The following TNXB variants were observed in gnomAD, a reference collection of about 807,000 sequenced individuals.
TNXB encodes tenascin XB.
In TNXB, 183 loss-of-function variants were observed where a neutral mutation model predicts 340.5. The observed-to-expected ratio is 0.54, with a 90% CI of 0.48 to 0.61. TNXB has a LOEUF of 0.61. Ranked by LOEUF, TNXB falls within the 20% of genes least tolerant of loss-of-function variation. The pLI, the probability that TNXB is intolerant of heterozygous loss-of-function variation, is 0.00. For synonymous variants in TNXB, 2,121 were observed against 2,314.5 expected (o/e 0.92, Z 2.40); for missense variants, 4,613 against 5,446.4 (o/e 0.85, Z 4.82).
chr6:32,101,590 T>A (rs1372074444), intron 1 of TNXB, among the ~76,000 whole-genome samples: 8 of 143,396 alleles, frequency 5.6e-5, no homozygotes, highest in African/African-American at 2.0e-4. Flanking sequence ...CACCCAGCCT[T>A]TTTTTTTTTT....
At chr6:32,056,326 C>G (rs1467474117) in intron 23 of TNXB, among the ~76,000 whole-genome samples, 152 bp from the exon 24 acceptor site, 2 of 152,170 alleles carry the variant, frequency 1.3e-5, no homozygotes, top group African/African-American at 4.8e-5. Context: ...GCTCAACTGA[C>G]AGCTAACACA....
intron 18 of TNXB, among the ~76,000 whole-genome samples, chr6:32,066,097 A>G (rs1778321974): frequency 6.6e-6 from 1 of 152,226 alleles, no homozygotes; most frequent in Non-Finnish European, 1.5e-5. Flanking sequence ...AATAAAAAGC[A>G]GTGTAGTGGC....
intron 1 of TNXB, among the ~76,000 whole-genome samples, chr6:32,104,121 C>T (rs1041882045): frequency 1.3e-5 from 2 of 152,146 alleles, no homozygotes; most frequent in East Asian, 1.9e-4. Flanking sequence ...GTGACCAGAA[C>T]GACCAAGTAA....
Position 32,072,137 on chromosome 6 carries a change from C to T in TNXB, c.4843G>A (p.Asp1615Asn). 2 of 1,613,486 alleles carry T rather than the reference C, an allele frequency of 1.2e-6. No individual in the cohort carries two copies. Among genetic ancestry groups the T allele is most frequent in the Non-Finnish European group, 1.7e-6 (2 of 1,179,662 alleles). ...DSFVVQYKDR[D>N]GQPQVVPVAA... ...ACGGGCACCACCTGGGGCTGCCCGTCCCTGTCCTTGTACTGAACCACAAAG... is the reference window on the plus strand; with the variant it reads ...ACGGGCACCACCTGGGGCTGCCCGTTCCTGTCCTTGTACTGAACCACAAAG... Residue 1615 changes from aspartate (D) to asparagine (N), a missense_variant, in exon 13 of 44, where the codon GAC becomes AAC. Asp to Asn is a conservative substitution (Grantham distance 23). Around this residue, in one of 7 missense-constraint regions of TNXB, gnomAD observed 4,327 missense variants for 4,859.4 expected, o/e 0.89. Coordinates refer to ENST00000644971, the MANE Select transcript of TNXB (RefSeq NM_001365276.2). The surrounding 1 kb of genome is among the most constrained non-coding windows in gnomAD (Gnocchi z 4.4).
At chr6:32,093,335 C>A (rs867377727) in intron 4 of TNXB, 8 of 690,088 alleles carry the variant, frequency 1.2e-5, no homozygotes, top group Non-Finnish European at 1.9e-5. Flanking sequence ...ATAACAACAA[C>A]AAAAAAAGAT....
rs1562794657 is a variant in TNXB at position 32,051,780 on chromosome 6, G to A, written c.9115+890C>T. Among the ~76,000 whole-genome samples, 1 of 152,008 alleles carries A rather than the reference G, an allele frequency of 6.6e-6. No homozygotes were observed. Among genetic ancestry groups the A allele is most frequent in the African/African-American group, 2.4e-5 (1 of 41,360 alleles). On this transcript the variant is annotated intron_variant, in intron 26 of 43. Transcript: ENST00000644971. The surrounding 1 kb of genome is among the most constrained non-coding windows in gnomAD (Gnocchi z 4.7). ...AAAAGGAAATTCTGACTGATGCTAC[G>A]ACATAGATGAACCTTAAAGACATTG... is the stretch of plus-strand genomic sequence containing the variant.
chr6:32,043,444 G>A lies in TNXB; in HGVS notation c.11643C>T (p.Ala3881=), dbSNP rs1171775625. 12 of 557,296 alleles carry A rather than the reference G, an allele frequency of 2.2e-5. No individual in the cohort carries two copies. Among genetic ancestry groups the A allele is most frequent in the Admixed American group, 2.0e-4 (7 of 35,288 alleles). 34.5% of individuals were successfully genotyped at this position (557,296 alleles called of 1,614,324 possible). A position where few individuals can be genotyped will look rare whatever the true frequency, so the allele number is the denominator to read the frequency against. The change falls in exon 36 of 44, where the codon GCC becomes GCT. Residue 3881 remains alanine (A), a synonymous_variant. Transcript: ENST00000644971. ...GGCCTCAGGCCTGCTCACCCCCAGG[G>A]GCTGTGACCTGGACGTCATAGGTGT... ...PVDTYDVQVT[A]PGAPPLQAET...
rs746110766 is a variant in TNXB, at chr6:32,079,247, C to T, written c.4161G>A (p.Ser1387=). ...ELTVTGSSPD[S]LSLFWTVPQG... ...GGGGGACGGTCCAGAAGAGGCTCAG[C>T]GAATCAGGGGAGGATCCTGTCACTG... is the stretch of plus-strand genomic sequence containing the variant. Residue 1387 remains serine (S), a synonymous_variant, in exon 11 of 44, where the codon TCG becomes TCA. Transcript: ENST00000644971. The surrounding 1 kb of genome is among the most constrained non-coding windows in gnomAD (Gnocchi z 7.1). The T allele has an allele frequency of 3.7e-6, 6 of 1,613,670 alleles. No individual in the cohort carries two copies. Among genetic ancestry groups the T allele is most frequent in the South Asian group, 1.1e-5 (1 of 91,088 alleles).
At position 32,043,792 on chromosome 6, in the gene TNXB, T is replaced by G; in HGVS notation, c.11487A>C (p.Arg3829=). The G allele has an allele frequency of 6.2e-7, 1 of 1,613,454 alleles. No homozygotes were observed. ...TGAGAGGCTCACTCTCCTCAAAGCC[T>G]CGGACCGAGACCACGGTCACCTCAT... ...ARYEVTVVSV[R]GFEESEPLTG... The change falls in exon 35 of 44, where the codon CGA becomes CGC. Residue 3829 remains arginine, a synonymous_variant. Transcript: ENST00000644971.
intron 22 of TNXB, among the ~76,000 whole-genome samples, chr6:32,057,111 A>C (rs1225466068): frequency 4.9e-3 from 379 of 77,918 alleles, no homozygotes; most frequent in African/African-American, 6.7e-3. Flanking sequence ...CCTCACCCCC[A>C]CCTCCCAACA....
Position 32,084,622 on chromosome 6 carries a change from A to G in TNXB, c.3236T>C (p.Leu1079Pro). 1 of 1,603,978 alleles carries G rather than the reference A, an allele frequency of 6.2e-7. No individual in the cohort carries two copies. The highest frequency in any genetic ancestry group is 8.5e-7 in the Non-Finnish European group (1 of 1,176,040). The part of the protein sequence containing the change: ...TVTDRTSDSL[L>P]LRWTVPEGEF... ...GCCCTCGGGGACCGTCCAGCGCAGG[A>G]GCAAGGAGTCGGAGGTCCTGTCTGT... Residue 1079 changes from leucine to proline, a missense_variant, in exon 8 of 44, where the codon CTC (leucine) becomes CCC (proline). Physicochemically the swap from Leu to Pro is moderately conservative, Grantham distance 98. This residue lies in a region of TNXB where 4,327 missense variants were observed against 4,859.4 expected (regional missense o/e 0.89). Transcript: ENST00000644971. This position sits in a 1 kb window ranked among gnomAD's most constrained non-coding sequence, Gnocchi z 5.5.
chr6:32,043,511 C>A lies in TNXB; in HGVS notation c.11576G>T (p.Gly3859Val). The change falls in exon 36 of 44, where the codon GGA becomes GTA. Residue 3859 changes from glycine to valine, a missense_variant. Physicochemically the swap from Gly to Val is moderately radical, Grantham distance 109. Around this residue, in one of 7 missense-constraint regions of TNXB, gnomAD observed 114 missense variants for 104.5 expected, o/e 1.09. Transcript: ENST00000644971. ...TQLRALNLTE[G>V]FAVLHWKPPQ... ...GGGCTTCCAGTGCAGCACGGCGAATCCCTCGGTCAAGTTCAGTGCACGCAA... is the reference window on the plus strand; with the variant it reads ...GGGCTTCCAGTGCAGCACGGCGAATACCTCGGTCAAGTTCAGTGCACGCAA... 1 of 760,808 alleles carries A rather than the reference C, an allele frequency of 1.3e-6. No homozygotes were observed. Among genetic ancestry groups the A allele is most frequent in the Middle Eastern group, 3.6e-4 (1 of 2,796 alleles). 47.1% of individuals were successfully genotyped at this position (760,808 alleles called of 1,614,324 possible).
rs537849211 is a variant in TNXB at position 32,064,197 on chromosome 6, G to C, written c.6841+624C>G. On this transcript the variant is annotated intron_variant, in intron 19 of 43. Coordinates refer to ENST00000644971, the MANE Select transcript of TNXB (RefSeq NM_001365276.2). This position sits in a 1 kb window ranked among gnomAD's most constrained non-coding sequence, Gnocchi z 5.3. ...GGAAAAGGATGTACAGAGAGGTCGTGTGTCTGTTTTTTGTTTGCTTGTTTT... is the reference window on the plus strand; with the variant it reads ...GGAAAAGGATGTACAGAGAGGTCGTCTGTCTGTTTTTTGTTTGCTTGTTTT... 6.6e-6 allele frequency among the ~76,000 whole-genome samples: 1 copy of C among 152,162 alleles called. No individual in the cohort carries two copies. Among genetic ancestry groups the C allele is most frequent in the African/African-American group, 2.4e-5 (1 of 41,524 alleles).
In TNXB at chr6:32,084,761, T is replaced by A; in HGVS notation, c.3149-52A>T. The A allele has an allele frequency of 6.9e-7, 1 of 1,459,794 alleles. No individual in the cohort carries two copies. The highest frequency in any genetic ancestry group is 1.5e-5 in the South Asian group (1 of 68,908). The allele number at this position is 1,459,794 out of a possible 1,614,324, so 90.4% of individuals were successfully genotyped here. A position where few individuals can be genotyped will look rare whatever the true frequency, so the allele number is the denominator to read the frequency against. The stretch of plus-strand genomic sequence containing the variant: ...CATAGTGGACTCAACCGTTCTCTTG[T>A]CTGTGTCTCCTTCCCTCTCCCCTGC... On this transcript the variant is annotated intron_variant, in intron 7 of 43. Coordinates refer to ENST00000644971, the MANE Select transcript of TNXB (RefSeq NM_001365276.2). This position sits in a 1 kb window ranked among gnomAD's most constrained non-coding sequence, Gnocchi z 5.5.
At chr6:32,060,813 AT>A in intron 21 of TNXB, among the ~76,000 whole-genome samples, 1 of 151,860 alleles carries the variant, frequency 6.6e-6, no homozygotes. Flanking sequence ...TAATTTTTGT[AT>A]TTTTAGTAGA....
Position 32,046,858 on chromosome 6 carries a change from C to G in TNXB, c.10325-402G>C, listed in dbSNP as rs1776920773. On this transcript the variant is annotated intron_variant, in intron 30 of 43. Coordinates refer to ENST00000644971, the MANE Select transcript of TNXB (RefSeq NM_001365276.2). This position sits in a 1 kb window ranked among gnomAD's most constrained non-coding sequence, Gnocchi z 6.9. ...GTCTCTGGGTTGTCACGGAGACACC[C>G]CAAACATCGAGAGCTGGTCTGGGCA... 6.6e-6 allele frequency among the ~76,000 whole-genome samples: 1 copy of G among 152,188 alleles called. No homozygotes were observed. Among genetic ancestry groups the G allele is most frequent in the Non-Finnish European group, 1.5e-5 (1 of 68,026 alleles).
rs778583832 is a variant in TNXB at position 32,086,048 on chromosome 6, C to T, written c.2850G>A (p.Gly950=). The T allele has an allele frequency of 1.6e-5, 26 of 1,600,534 alleles. No individual in the cohort carries two copies. Among genetic ancestry groups the T allele is most frequent in the Middle Eastern group, 1.7e-4 (1 of 5,736 alleles). The change falls in exon 7 of 44, where the codon GGG becomes GGA. Residue 950 remains glycine (G), a synonymous_variant. Transcript: ENST00000644971. ...GCTGCTGCAGGAGAGGAGCCTGGGC[C>T]CCTTGCGTCGTCGAGGGGCCTGAGG... ...PPPSGPSTTQ[G]AQAPLLQQRP...
At position 32,083,794 on chromosome 6, in the gene TNXB, G is replaced by A. The variant is rs1779613353; in HGVS notation, c.3445+619C>T. Among the ~76,000 whole-genome samples the A allele has an allele frequency of 1.3e-5, 2 of 152,086 alleles. No homozygotes were observed. The highest frequency in any genetic ancestry group is 4.1e-4 in the South Asian group (2 of 4,826). ...CCCACCTCAAGCCTCTCAAGTAGCTGGGACTACAGGCACGCACCACCACGC... is the reference window on the plus strand; with the variant it reads ...CCCACCTCAAGCCTCTCAAGTAGCTAGGACTACAGGCACGCACCACCACGC... On this transcript the variant is annotated intron_variant, in intron 8 of 43. Coordinates refer to ENST00000644971, the MANE Select transcript of TNXB (RefSeq NM_001365276.2). This position sits in a 1 kb window ranked among gnomAD's most constrained non-coding sequence, Gnocchi z 4.6.
Position 32,056,780 on chromosome 6 carries a change from A to G in TNXB, c.7949T>C (p.Val2650Ala). ...GAAGTGGTCAAACTGGCCCTCGGGA[A>G]CCGTCCAGGACAGGCTGAGGGAGTC... ...TPDSLSLSWT[V>A]PEGQFDHFLV... The change falls in exon 23 of 44, where the codon GTT (valine) becomes GCT (alanine). Residue 2650 changes from valine (V) to alanine (A), a missense_variant. Val to Ala is a moderately conservative substitution (Grantham distance 64). Coordinates refer to ENST00000644971, the MANE Select transcript of TNXB (RefSeq NM_001365276.2). The G allele has an allele frequency of 1.2e-6, 2 of 1,613,288 alleles. No homozygotes were observed. Among genetic ancestry groups the G allele is most frequent in the South Asian group, 2.2e-5 (2 of 91,086 alleles).
Sources: gnomAD v4.1 joint callset for allele counts (sites outside exome capture counted in the v4.1 genomes callset) on GRCh38, gnomAD v4.1.1 for gene constraint, gnomAD v4.1.1 regional missense constraint, Gnocchi (gnomAD v3.1) non-coding constraint, MANE v1.5 for transcripts, NCBI Gene and HGNC (gene_info 2026-07-23, HGNC 2026-07-21) for gene names.